FAM217A: variants seen among roughly 807,000 people sequenced by gnomAD.
The protein encoded by FAM217A is protein FAM217A.
FAM217A carries 13 observed loss-of-function variants against 18.5 expected under a neutral mutation model. The ratio of observed to expected loss-of-function variants is 0.70; its 90% CI spans 0.46 to 1.12. FAM217A has a LOEUF of 1.12. FAM217A is among the 50% of genes most tolerant of loss of function. The pLI is 0.00. For missense variants in FAM217A, 560 were observed against 575.4 expected, an observed-to-expected ratio of 0.97 and a Z score of 0.27; for synonymous variants, 161 against 202.8, an observed-to-expected ratio of 0.79 and a Z score of 1.75.
Position 4,068,960 on chromosome 6 carries a change from G to T in FAM217A, c.1263C>A (p.Gly421=), listed in dbSNP as rs2113849466. 1 of 1,614,130 alleles carries T rather than the reference G, an allele frequency of 6.2e-7. No homozygotes were observed. The highest frequency in any genetic ancestry group is 2.2e-5 in the East Asian group (1 of 44,866). The change falls in exon 7 of 7, where the codon GGC becomes GGA. Residue 421 remains glycine (G), a synonymous_variant. Coordinates refer to ENST00000274673, the MANE Select transcript of FAM217A (RefSeq NM_173563.3). ...CQELSFKPTI[G]HTNQSMVKMV... ...TTTTAACCATTGATTGATTTGTATG[G>T]CCAATAGTAGGTTTGAATGAGAGTT...
chr6:4,075,729 A>G (rs1459834408), intron 2 of FAM217A, among the ~76,000 whole-genome samples: 1 of 152,204 alleles, frequency 6.6e-6, no homozygotes, highest in Non-Finnish European at 1.5e-5. Flanking sequence ...TAAGCAAATG[A>G]AATGTGAGGT....
At chr6:4,079,843 C>T (rs930282161), upstream of FAM217A, among the ~76,000 whole-genome samples, 22 of 152,254 alleles carry the variant, frequency 1.4e-4, no homozygotes, top group African/African-American at 5.1e-4. Context: ...ATAGGAAAAA[C>T]AAAAGATGAT....
At chr6:4,079,401 CG>C (rs1169715041), upstream of FAM217A, 11 of 313,764 alleles carry the variant, frequency 3.5e-5, no homozygotes, top group East Asian at 1.2e-3. Context: ...CTGAAGGGGC[CG>C]CCCCCGGCCT....
chr6:4,084,501 T>C (rs1021448966), intron 2 of FAM217A: 1 of 673,702 alleles, frequency 1.5e-6, no homozygotes, highest in Admixed American at 2.1e-5. Context: ...ATGCCTATAC[T>C]CTGTAACTCT....
intron 4 of FAM217A, 59 bp downstream of exon 4, chr6:4,074,383 CA>C (rs1478730154): frequency 7.0e-7 from 1 of 1,425,742 alleles, no homozygotes; most frequent in East Asian, 2.3e-5. Flanking sequence ...TTTTAAAGAA[CA>C]TACTTATTTT....
intron 2 of FAM217A, chr6:4,084,437 T>C (rs1770507232): frequency 1.7e-6 from 1 of 597,296 alleles, no homozygotes; most frequent in African/African-American, 1.9e-5. Context: ...TTATTTTGAT[T>C]TAAGACTTGA....
intron 6 of FAM217A, 21 bp from the exon 7 acceptor site, chr6:4,069,941 A>G: frequency 6.8e-7 from 1 of 1,463,798 alleles, no homozygotes; most frequent in Non-Finnish European, 9.3e-7. Context: ...TAATTTAATT[A>G]ATGAATGGTT....
chr6:4,073,031 C>A (rs1769531140), intron 6 of FAM217A, among the ~76,000 whole-genome samples: 2 of 152,216 alleles, frequency 1.3e-5, no homozygotes, highest in African/African-American at 4.8e-5. Context: ...GAAGTCCATA[C>A]TTTATCCATC....
intron 2 of FAM217A, among the ~76,000 whole-genome samples, chr6:4,075,928 T>C (rs1334658165): frequency 2.0e-5 from 3 of 152,134 alleles, no homozygotes; most frequent in Non-Finnish European, 4.4e-5. Context: ...AATTCTCTGC[T>C]CTCTGGCATG....
rs778885239 is a variant in FAM217A, at chr6:4,069,122, T to A, written c.1101A>T (p.Leu367Phe). Residue 367 changes from leucine (L) to phenylalanine (F), a missense_variant, in exon 7 of 7, where the codon TTA becomes TTT. Coordinates refer to ENST00000274673, the MANE Select transcript of FAM217A (RefSeq NM_173563.3). ...TGCCAGCATTGCTCCAATTCCGTTT[T>A]AAAGCATTTTGTTCAAGCTTACAAG... ...SGSCKLEQNALKRNWSNAGKY... is the reference protein window; with the variant it reads ...SGSCKLEQNAFKRNWSNAGKY... The A allele has an allele frequency of 1.2e-5, 19 of 1,614,086 alleles. No homozygotes were observed. The South Asian group carries it at 1.4e-4, about 12-fold the overall frequency.
In FAM217A at chr6:4,084,883, C is replaced by T. The variant is rs998648088; in HGVS notation, c.19-73G>A. The T allele has an allele frequency of 1.9e-5, 13 of 675,126 alleles. No homozygotes were observed. The African/African-American group carries it at 2.3e-4, about 12-fold the overall frequency. The allele number at this position is 675,126 out of a possible 1,614,324, so 41.8% of individuals were successfully genotyped here. A position where few individuals can be genotyped will look rare whatever the true frequency, so the allele number is the denominator to read the frequency against. On this transcript the variant is annotated intron_variant, in intron 1 of 8. Coordinates refer to the FAM217A transcript ENST00000639338. ...AAGATCAGCCTAACTAGAAAAACAA[C>T]CCAGAGTCATGCAGCTGCTGCGCTG...
At chr6:4,079,394 A>T (rs950648779), upstream of FAM217A, 32 of 309,098 alleles carry the variant, frequency 1.0e-4, no homozygotes, top group African/African-American at 7.2e-4. Flanking sequence ...TCCTGGCCTG[A>T]AGGGGCCGCC....
At chr6:4,072,829 A>T (rs1004658323) in intron 6 of FAM217A, among the ~76,000 whole-genome samples, 1 of 152,060 alleles carries the variant, frequency 6.6e-6, no homozygotes, top group Non-Finnish European at 1.5e-5. Flanking sequence ...CCTTTCATTA[A>T]TATTGTGTGA....
At chr6:4,078,571 C>T (rs1322000059) in intron 1 of FAM217A, among the ~76,000 whole-genome samples, 1 of 152,098 alleles carries the variant, frequency 6.6e-6, no homozygotes, top group Non-Finnish European at 1.5e-5. Context: ...CTGGGGCCAC[C>T]GGGTGTGTGT....
At chr6:4,078,117 G>A (rs184825992) in intron 1 of FAM217A, among the ~76,000 whole-genome samples, 153 of 147,422 alleles carry the variant, frequency 1.0e-3, no homozygotes, top group African/African-American at 3.1e-3. Flanking sequence ...GCAGTGGCGC[G>A]ATCTCGGTTC....
chr6:4,073,303 G>C lies in FAM217A; in HGVS notation c.274C>G (p.Leu92Val). Reference sequence around the variant, plus strand: ...TTCTCTATGGTACTTCCTTCATTAAGAGGACAATTCCATAATTGAAAGATC... The same window carrying C: ...TTCTCTATGGTACTTCCTTCATTAACAGGACAATTCCATAATTGAAAGATC... ...QGIFQLWNCPLNEGSTIEKRE... is the reference protein window; with the variant it reads ...QGIFQLWNCPVNEGSTIEKRE... The change falls in exon 6 of 7, where the codon CTT (leucine) becomes GTT (valine). Residue 92 changes from leucine (L) to valine (V), a missense_variant. Physicochemically the swap from Leu to Val is conservative, Grantham distance 32. Transcript: ENST00000274673. The C allele has an allele frequency of 6.2e-7, 1 of 1,609,512 alleles. No individual in the cohort carries two copies. Among genetic ancestry groups the C allele is most frequent in the Non-Finnish European group, 8.5e-7 (1 of 1,178,866 alleles).
intron 2 of FAM217A, among the ~76,000 whole-genome samples, chr6:4,075,688 C>T (rs1016792402): frequency 1.3e-5 from 2 of 152,098 alleles, no homozygotes; most frequent in African/African-American, 4.8e-5. Context: ...CAATTGTTTT[C>T]TGTCTCAAAA....
intron 1 of FAM217A, chr6:4,084,885 C>T (rs576156893): frequency 4.5e-5 from 30 of 669,818 alleles, no homozygotes; most frequent in Middle Eastern, 2.4e-4. Flanking sequence ...AAAAACAACC[C>T]AGAGTCATGC....
At chr6:4,087,068 C>T (rs1045081652), upstream of FAM217A, 2 of 399,224 alleles carry the variant, frequency 5.0e-6, no homozygotes, top group Non-Finnish European at 8.8e-6. Context: ...CTCAGTTCTG[C>T]TGAGGACTGC....
Sources: allele counts gnomAD v4.1 joint callset (sites outside exome capture counted in the v4.1 genomes callset), GRCh38; gene constraint gnomAD v4.1.1; transcripts MANE v1.5; gene names NCBI Gene and HGNC (gene_info 2026-07-23, HGNC 2026-07-21).